Variants in KLHL26 observed in about 807,000 individuals in gnomAD.
KLHL26 encodes the protein kelch-like protein 26.
Under a neutral mutation model 7.1 loss-of-function variants are expected in KLHL26, and 4 were observed. The observed-to-expected ratio is 0.56, with a 90% CI of 0.28 to 1.28. The LOEUF (loss-of-function observed/expected upper bound fraction) is 1.28, where lower values mean the gene tolerates loss of function less well. Ranked by LOEUF, KLHL26 falls within the 50% of genes most tolerant of loss-of-function variation. The pLI is 0.11. For missense variants in KLHL26, 896 were observed against 924.6 expected, an observed-to-expected ratio of 0.97 and a Z score of 0.40; for synonymous variants, 465 against 414.1, an observed-to-expected ratio of 1.12 and a Z score of -1.49.
Position 18,649,569 on chromosome 19 carries a change from G to A in KLHL26, c.83+12432G>A, listed in dbSNP as rs1015584398. The stretch of plus-strand genomic sequence containing the variant: ...AGTGAGTGAGCAAAACCTCAGCCCT[G>A]CATGTTAAAGCAAAGGCGGCAAACG... On this transcript the variant is annotated intron_variant, in intron 1 of 2. Coordinates refer to ENST00000300976, the MANE Select transcript of KLHL26 (RefSeq NM_018316.3). The surrounding 1 kb of genome is among the most constrained non-coding windows in gnomAD (Gnocchi z 4.0). Among the ~76,000 whole-genome samples the A allele has an allele frequency of 2.0e-5, 3 of 152,224 alleles. No individual in the cohort carries two copies. Among genetic ancestry groups the A allele is most frequent in the African/African-American group, 7.2e-5 (3 of 41,464 alleles).
intron 1 of KLHL26, among the ~76,000 whole-genome samples, chr19:18,643,697 C>T (rs1481024767): frequency 6.6e-6 from 1 of 151,824 alleles, no homozygotes; most frequent in African/African-American, 2.4e-5. Context: ...AGGCTGGTCT[C>T]GAACTCCTGA....
In KLHL26 at chr19:18,669,580, A is replaced by G. The variant is rs1008654297; in HGVS notation, c.*335A>G. On this transcript the variant is annotated 3_prime_UTR_variant, in exon 3 of 3. Transcript: ENST00000300976. ...CTCCAGGGGGTCCCTGTGCAGCTCCATCTCACTTCTCTACTGCCTCCCAGC... is the reference window on the plus strand; with the variant it reads ...CTCCAGGGGGTCCCTGTGCAGCTCCGTCTCACTTCTCTACTGCCTCCCAGC... 1 of 518,172 alleles carries G rather than the reference A, an allele frequency of 1.9e-6. No homozygotes were observed. Among genetic ancestry groups the G allele is most frequent in the African/African-American group, 1.9e-5 (1 of 51,834 alleles). 32.1% of individuals were successfully genotyped at this position (518,172 alleles called of 1,614,324 possible). A position where few individuals can be genotyped will look rare whatever the true frequency, so the allele number is the denominator to read the frequency against.
chr19:18,665,369 C>G (rs752600163), intron 2 of KLHL26, among the ~76,000 whole-genome samples: 6 of 152,232 alleles, frequency 3.9e-5, no homozygotes, highest in African/African-American at 1.2e-4. Flanking sequence ...TCTGTCTTTA[C>G]TTGACGCCTG....
chr19:18,639,616 G>T (rs141940683), intron 1 of KLHL26, among the ~76,000 whole-genome samples: 2 of 151,524 alleles, frequency 1.3e-5, no homozygotes, highest in Non-Finnish European at 2.9e-5. Context: ...TGCCATGTTG[G>T]CCAGGGTGAT....
chr19:18,637,177 G>C (rs947310089), intron 1 of KLHL26, 40 bp downstream of exon 1: 1 of 1,280,342 alleles, frequency 7.8e-7, no homozygotes, highest in South Asian at 2.7e-5. Context: ...ACCTGTCTTG[G>C]AGCCCAGGAA....
chr19:18,652,774 A>G (rs2052274059), intron 1 of KLHL26, among the ~76,000 whole-genome samples: 1 of 152,078 alleles, frequency 6.6e-6, no homozygotes, highest in Admixed American at 6.6e-5. Flanking sequence ...GGGCGTCCCC[A>G]TCAGAACAGC....
In KLHL26 at chr19:18,668,634, G is replaced by C; in HGVS notation, c.1237G>C (p.Gly413Arg). 6.3e-7 allele frequency: 1 copy of C among 1,580,124 alleles called. No individual in the cohort carries two copies. Among genetic ancestry groups the C allele is most frequent in the Non-Finnish European group, 8.6e-7 (1 of 1,169,440 alleles). Residue 413 changes from glycine to arginine, a missense_variant, in exon 3 of 3, where the codon GGC becomes CGC. Gly to Arg is a moderately radical substitution (Grantham distance 125). Transcript: ENST00000300976. ...RIQFQLNVLC[G>R]MVYATGGRNR... is the part of the protein sequence containing the mutation. ...CCAGTTCCAGCTGAACGTGCTGTGCGGCATGGTGTACGCCACGGGCGGCCG... is the reference window on the plus strand; with the variant it reads ...CCAGTTCCAGCTGAACGTGCTGTGCCGCATGGTGTACGCCACGGGCGGCCG...
intron 1 of KLHL26, among the ~76,000 whole-genome samples, chr19:18,653,914 A>C (rs2052294338): frequency 1.5e-5 from 1 of 67,064 alleles, no homozygotes; most frequent in Non-Finnish European, 2.9e-5. Context: ...CCATCCACTC[A>C]CCATCCACCT....
In KLHL26 at chr19:18,668,138, G is replaced by T. The variant is rs754709556; in HGVS notation, c.741G>T (p.Val247=). 1.2e-6 allele frequency: 2 copies of T among 1,605,492 alleles called. No homozygotes were observed. Among genetic ancestry groups the T allele is most frequent in the Admixed American group, 3.3e-5 (2 of 59,896 alleles). ...DPARRPRASH[V]LCHIRFPLMQ... ...CCCGGCGGCCGCGCGCCAGCCACGT[G>T]CTCTGCCACATTCGCTTCCCGCTCA... The change falls in exon 3 of 3, where the codon GTG becomes GTT. Residue 247 remains valine, a synonymous_variant. Coordinates refer to ENST00000300976, the MANE Select transcript of KLHL26 (RefSeq NM_018316.3).
At chr19:18,647,629 G>A (rs1205805295) in intron 1 of KLHL26, among the ~76,000 whole-genome samples, 1 of 151,670 alleles carries the variant, frequency 6.6e-6, no homozygotes, top group Non-Finnish European at 1.5e-5. Flanking sequence ...GGAAGAGGAG[G>A]AGGAAGAGAG....
At position 18,656,841 on chromosome 19, in the gene KLHL26, C is replaced by T. The variant is rs1411121238; in HGVS notation, c.84-7420C>T. On this transcript the variant is annotated intron_variant, in intron 1 of 2. Coordinates refer to ENST00000300976, the MANE Select transcript of KLHL26 (RefSeq NM_018316.3). This position sits in a 1 kb window ranked among gnomAD's most constrained non-coding sequence, Gnocchi z 4.4. ...TGGCGGGTTCCTGTTTGAAATGATT[C>T]GTGAAGATGTTGGAGAAAATCAGCA... Among the ~76,000 whole-genome samples the T allele has an allele frequency of 3.9e-5, 6 of 152,066 alleles. No individual in the cohort carries two copies. In the East Asian group the frequency reaches 9.6e-4, roughly 24 times the overall value.
rs2052483358 is a variant in KLHL26 at position 18,668,526 on chromosome 19, G to T, written c.1129G>T (p.Glu377Ter). Reference sequence around the variant, plus strand: ...GCAGCACCTGCAGTACCGCAGCGGCGAGGGCGCAGTGGACGCCTGCTACCG... The same window carrying T: ...GCAGCACCTGCAGTACCGCAGCGGCTAGGGCGCAGTGGACGCCTGCTACCG... ...GGQHLQYRSG[E>*]GAVDACYRYD... The change falls in exon 3 of 3, where the codon GAG becomes TAG. Residue 377 changes from glutamate to a stop codon, truncating the protein, a stop_gained. Coordinates refer to ENST00000300976, the MANE Select transcript of KLHL26 (RefSeq NM_018316.3). LOFTEE classifies it low-confidence loss of function (END_TRUNC). The T allele has an allele frequency of 1.0e-5, 16 of 1,598,408 alleles. No individual in the cohort carries two copies. The highest frequency in any genetic ancestry group is 1.3e-5 in the Non-Finnish European group (15 of 1,174,762).
chr19:18,657,221 G>A (rs992379472), intron 1 of KLHL26, among the ~76,000 whole-genome samples: 1 of 150,604 alleles, frequency 6.6e-6, no homozygotes, highest in African/African-American at 2.5e-5. Flanking sequence ...CTGTCCCTGG[G>A]TCTCTGTCTC....
At chr19:18,664,511 C>T in intron 2 of KLHL26, 68 bp downstream of exon 2, 1 of 1,316,320 alleles carries the variant, frequency 7.6e-7, no homozygotes, top group South Asian at 1.5e-5. Context: ...GCAGATGGCA[C>T]CCACTTTCTA....
chr19:18,664,552 C>T, intron 2 of KLHL26, 109 bp downstream of exon 2: 1 of 848,266 alleles, frequency 1.2e-6, no homozygotes, highest in South Asian at 2.0e-5. Context: ...TACCCAGGGA[C>T]AGCTTCGAGG....
At chr19:18,638,777 C>T (rs531598855) in intron 1 of KLHL26, among the ~76,000 whole-genome samples, 2 of 151,874 alleles carry the variant, frequency 1.3e-5, no homozygotes, top group Non-Finnish European at 2.9e-5. Flanking sequence ...CAAGGCTCAC[C>T]GCAGCCTCAA....
rs1425337501 is a variant in KLHL26 at position 18,650,171 on chromosome 19, G to A, written c.83+13034G>A. 2.6e-5 allele frequency among the ~76,000 whole-genome samples: 4 copies of A among 152,174 alleles called. No individual in the cohort carries two copies. Reference sequence around the variant, plus strand: ...GCCACAACTGTGAAATTCCACAGGGGTCAAAGACGGACCCGGGCGGGAGCG... The same window carrying A: ...GCCACAACTGTGAAATTCCACAGGGATCAAAGACGGACCCGGGCGGGAGCG... On this transcript the variant is annotated intron_variant, in intron 1 of 2. Transcript: ENST00000300976. This position sits in a 1 kb window ranked among gnomAD's most constrained non-coding sequence, Gnocchi z 4.2.
Position 18,669,362 on chromosome 19 carries a change from G to T in KLHL26, c.*117G>T. On this transcript the variant is annotated 3_prime_UTR_variant, in exon 3 of 3. Transcript: ENST00000300976. ...CCTTCGCCCGGGCTGCCCTTGAGGGGCCTGCTGCGTTGATAAGCCCCCCTC... is the reference window on the plus strand; with the variant it reads ...CCTTCGCCCGGGCTGCCCTTGAGGGTCCTGCTGCGTTGATAAGCCCCCCTC... 3.9e-6 allele frequency: 3 copies of T among 777,784 alleles called. No homozygotes were observed. Among genetic ancestry groups the T allele is most frequent in the South Asian group, 3.4e-5 (2 of 59,278 alleles). The allele number at this position is 777,784 out of a possible 1,614,324, so 48.2% of individuals were successfully genotyped here.
intron 1 of KLHL26, among the ~76,000 whole-genome samples, chr19:18,651,304 C>T (rs965410951): frequency 6.6e-6 from 1 of 152,100 alleles, no homozygotes; most frequent in Non-Finnish European, 1.5e-5. Context: ...GTAAAAATCC[C>T]AGGGAAGGCT....
Sources: allele counts gnomAD v4.1 joint callset (sites outside exome capture counted in the v4.1 genomes callset), GRCh38; gene constraint gnomAD v4.1.1; non-coding constraint Gnocchi (gnomAD v3.1); transcripts MANE v1.5; gene names NCBI Gene and HGNC (gene_info 2026-07-23, HGNC 2026-07-21).